Variants in FBXW8 observed in about 807,000 individuals in gnomAD.
FBXW8 encodes the protein F-box/WD repeat-containing protein 8.
Under a neutral mutation model 65.3 loss-of-function variants are expected in FBXW8, and 57 were observed. The observed-to-expected ratio is 0.87, with a 90% confidence interval of 0.71 to 1.09. The LOEUF is 1.09. FBXW8 is among the 50% of genes least tolerant of loss of function. The pLI, the probability that FBXW8 is intolerant of heterozygous loss-of-function variation, is 0.00. For synonymous variants in FBXW8, 308 were observed against 330.2 expected (o/e 0.93, Z 0.73); for missense variants, 777 against 814.8 (o/e 0.95, Z 0.57).
chr12:116,918,929 G>C (rs1455267986), intron 1 of FBXW8, among the ~76,000 whole-genome samples: 1 of 152,112 alleles, frequency 6.6e-6, no homozygotes, highest in African/African-American at 2.4e-5. Context: ...GTGGGTGCTT[G>C]AAAATGCAGA....
At chr12:116,971,889 A>T (rs1409311596) in intron 5 of FBXW8, among the ~76,000 whole-genome samples, 1 of 152,200 alleles carries the variant, frequency 6.6e-6, no homozygotes, top group Non-Finnish European at 1.5e-5. Flanking sequence ...AGTGGCGTCC[A>T]CAGTGAATTT....
intron 1 of FBXW8, among the ~76,000 whole-genome samples, chr12:116,918,167 T>C (rs892967886): frequency 2.6e-5 from 4 of 152,198 alleles, no homozygotes; most frequent in Admixed American, 2.0e-4. Flanking sequence ...AACACATCCC[T>C]GGTCAGAATT....
chr12:117,020,923 T>C (rs1954078547), intron 8 of FBXW8, among the ~76,000 whole-genome samples: 1 of 152,226 alleles, frequency 6.6e-6, no homozygotes, highest in Non-Finnish European at 1.5e-5. Flanking sequence ...GAAGCCTCTT[T>C]TGCAACTAAG....
intron 2 of FBXW8, among the ~76,000 whole-genome samples, chr12:116,942,252 A>T (rs997881795): frequency 1.3e-5 from 2 of 150,500 alleles, no homozygotes; most frequent in Admixed American, 1.3e-4. Flanking sequence ...GCCTCAACTC[A>T]TTGAGCAATC....
chr12:117,018,020 TATA>T (rs1380433408), intron 8 of FBXW8, among the ~76,000 whole-genome samples: 5 of 152,292 alleles, frequency 3.3e-5, no homozygotes, highest in African/African-American at 9.6e-5. Context: ...CTGCAAGTGT[TATA>T]ATAAGTTATT....
chr12:116,932,605 G>A (rs3956801), intron 2 of FBXW8, among the ~76,000 whole-genome samples: 2,371 of 152,184 alleles, frequency 0.016, 61 homozygotes, highest in African/African-American at 0.048. Flanking sequence ...GCGCGATCTC[G>A]GCTCACTGCA....
At chr12:116,988,916 TA>T (rs1258888576) in intron 7 of FBXW8, 47 bp downstream of exon 7, 1 of 1,536,580 alleles carries the variant, frequency 6.5e-7, no homozygotes, top group Non-Finnish European at 8.9e-7. Context: ...AATATAGATT[TA>T]TTTTTTAGAA....
At position 116,945,547 on chromosome 12, in the gene FBXW8, C is replaced by T. The variant is rs1294459650; in HGVS notation, c.588+19C>T. On this transcript the variant is annotated intron_variant, in intron 3 of 10. Coordinates refer to ENST00000652555, the MANE Select transcript of FBXW8 (RefSeq NM_153348.3). ...CTGGAAGGTGGGCAGTGGCCAATAT[C>T]ATTACCTGTGAAAGAATAGCCTGCA... The T allele has an allele frequency of 6.2e-7, 1 of 1,607,610 alleles. No homozygotes were observed. The highest frequency in any genetic ancestry group is 8.5e-7 in the Non-Finnish European group (1 of 1,175,758).
At position 116,928,128 on chromosome 12, in the gene FBXW8, G is replaced by A; in HGVS notation, c.423+1G>A. 1 of 1,580,930 alleles carries A rather than the reference G, an allele frequency of 6.3e-7. No homozygotes were observed. Among genetic ancestry groups the A allele is most frequent in the Non-Finnish European group, 8.7e-7 (1 of 1,152,200 alleles). On this transcript the variant is annotated splice_donor_variant, in intron 2 of 10. Transcript: ENST00000652555. LOFTEE classifies it high-confidence loss of function. ...GAAAGAACTAGGAAGATGTGCACAG[G>A]TAAGGTGTCACCAACAGATGTTCCA...
At chr12:116,925,382 C>T (rs1239403483) in intron 1 of FBXW8, among the ~76,000 whole-genome samples, 1 of 152,174 alleles carries the variant, frequency 6.6e-6, no homozygotes, top group Non-Finnish European at 1.5e-5. Context: ...CTGAGTGACC[C>T]ACTGCAGTAT....
chr12:116,957,622 A>G (rs1056162679), intron 4 of FBXW8, among the ~76,000 whole-genome samples: 4 of 152,136 alleles, frequency 2.6e-5, no homozygotes, highest in Admixed American at 1.3e-4. Context: ...AATGTTGCCC[A>G]TATATACTTA....
intron 7 of FBXW8, among the ~76,000 whole-genome samples, chr12:116,999,752 G>A (rs941687606): frequency 6.6e-6 from 1 of 152,132 alleles, no homozygotes; most frequent in South Asian, 2.1e-4. Context: ...CTCTAGTCCT[G>A]TGCTTCCAGA....
At chr12:116,995,204 C>T (rs960630139) in intron 7 of FBXW8, among the ~76,000 whole-genome samples, 1 of 152,200 alleles carries the variant, frequency 6.6e-6, no homozygotes, top group East Asian at 1.9e-4. Flanking sequence ...CAAGAAAGAT[C>T]GGCAGCGTAC....
At chr12:116,991,363 A>C (rs1209915112) in intron 7 of FBXW8, among the ~76,000 whole-genome samples, 1 of 152,254 alleles carries the variant, frequency 6.6e-6, no homozygotes, top group African/African-American at 2.4e-5. Flanking sequence ...TTGAATTTTT[A>C]AGAAACGTAA....
intron 2 of FBXW8, among the ~76,000 whole-genome samples, chr12:116,931,148 C>T (rs888882936): frequency 6.6e-6 from 1 of 152,104 alleles, no homozygotes; most frequent in African/African-American, 2.4e-5. Flanking sequence ...ACTTTTTTCC[C>T]CATTGTGTGT....
At chr12:116,969,183 A>AT (rs1462505434) in intron 5 of FBXW8, among the ~76,000 whole-genome samples, 1 of 152,200 alleles carries the variant, frequency 6.6e-6, no homozygotes, top group African/African-American at 2.4e-5. Context: ...GGTAAAATCT[A>AT]TAAGTGCTTC....
intron 9 of FBXW8, among the ~76,000 whole-genome samples, chr12:117,026,835 TG>T (rs1281103621): frequency 1.1e-4 from 16 of 152,226 alleles, no homozygotes; most frequent in Non-Finnish European, 2.2e-4. Context: ...CGGTACTGCA[TG>T]AAAGTTTCAG....
intron 4 of FBXW8, chr12:116,951,537 CT>C (rs1397081676): frequency 4.6e-5 from 7 of 152,076 alleles, no homozygotes; most frequent in Non-Finnish European, 1.0e-4. Context: ...TTTTCCTTCC[CT>C]TTTCTCTTTC....
At chr12:116,972,845 G>C (rs1884719021) in intron 5 of FBXW8, among the ~76,000 whole-genome samples, 1 of 152,188 alleles carries the variant, frequency 6.6e-6, no homozygotes, top group East Asian at 1.9e-4. Context: ...TCCTGGCTTT[G>C]TTTGCTGAGA....
Sources: allele counts gnomAD v4.1 joint callset (sites outside exome capture counted in the v4.1 genomes callset), GRCh38; gene constraint gnomAD v4.1.1; transcripts MANE v1.5; gene names NCBI Gene and HGNC (gene_info 2026-07-23, HGNC 2026-07-21).